FOXP2: variants seen among roughly 807,000 people sequenced by gnomAD.
FOXP2 encodes the protein forkhead box P2, also known as forkhead box protein P2.
A neutral mutation model predicts 115.8 loss-of-function variants in FOXP2; 12 were observed. The observed-to-expected ratio is 0.10, with a 90% confidence interval of 0.07 to 0.17. The LOEUF is 0.17. FOXP2 is among the 10% of genes least tolerant of loss of function. FOXP2 has a pLI of 1.00. For synonymous variants in FOXP2, 328 were observed against 297.7 expected, an observed-to-expected ratio of 1.10 and a Z score of -1.05; for missense variants, 629 against 843.5, an observed-to-expected ratio of 0.75 and a Z score of 3.15.
chr7:114,486,273 C>T (rs1796768978), intron 2 of FOXP2, among the ~76,000 whole-genome samples: 1 of 152,032 alleles, frequency 6.6e-6, no homozygotes, highest in Non-Finnish European at 1.5e-5. Flanking sequence ...CAGGCAAGAG[C>T]ACATGTGCAG....
At chr7:114,136,581 G>A (rs919370862) in intron 1 of FOXP2, among the ~76,000 whole-genome samples, 1 of 151,650 alleles carries the variant, frequency 6.6e-6, no homozygotes, top group Non-Finnish European at 1.5e-5. Context: ...AATGGACTAT[G>A]GTCTTTTGAG....
In FOXP2 at chr7:114,690,129, C is replaced by CTTTTTTTTTTTTTT; in HGVS notation, c.*207_*220dup. ...TGCTTGTTTTCTTCTTCTTCTTCTT[C>CTTTTTTTTTTTTTT]TTTTTTTTTTTTTTTTTAGAAAAAA... is the stretch of plus-strand genomic sequence containing the variant. On this transcript the variant is annotated 3_prime_UTR_variant, in exon 17 of 17. Coordinates refer to ENST00000350908, the MANE Select transcript of FOXP2 (RefSeq NM_014491.4). 2.4e-6 allele frequency: 1 copy of CTTTTTTTTTTTTTT among 420,596 alleles called. No individual in the cohort carries two copies. The highest frequency in any genetic ancestry group is 5.8e-5 in the East Asian group (1 of 17,252). 26.1% of individuals were successfully genotyped at this position (420,596 alleles called of 1,614,324 possible).
At chr7:114,219,511 A>G (rs907664980) in intron 1 of FOXP2, among the ~76,000 whole-genome samples, 5 of 152,308 alleles carry the variant, frequency 3.3e-5, no homozygotes, top group Non-Finnish European at 5.9e-5. Context: ...CATTGTTAGC[A>G]CTTTAAACGA....
chr7:114,264,050 A>C (rs928632692), intron 1 of FOXP2, among the ~76,000 whole-genome samples: 3 of 151,948 alleles, frequency 2.0e-5, no homozygotes, highest in African/African-American at 7.3e-5. Flanking sequence ...GCCGCCCAGG[A>C]GTTCTGAAAG....
At chr7:114,526,046 A>G (rs187281375) in intron 2 of FOXP2, among the ~76,000 whole-genome samples, 2 of 151,996 alleles carry the variant, frequency 1.3e-5, no homozygotes, top group East Asian at 3.9e-4. Context: ...TGGGAGGCAG[A>G]GGTTGCAGTG....
intron 2 of FOXP2, among the ~76,000 whole-genome samples, chr7:114,439,701 C>T (rs942281578): frequency 5.9e-5 from 9 of 152,094 alleles, no homozygotes; most frequent in South Asian, 4.1e-4. Flanking sequence ...TGCACCACCA[C>T]GCCTAGCTCC....
At chr7:114,455,030 GA>G (rs890017074) in intron 2 of FOXP2, among the ~76,000 whole-genome samples, 5 of 150,048 alleles carry the variant, frequency 3.3e-5, no homozygotes, top group African/African-American at 4.9e-5. Flanking sequence ...AAAAAAAAAA[GA>G]AAAAAAAATC....
chr7:114,621,505 C>T (rs1177160537), intron 3 of FOXP2, among the ~76,000 whole-genome samples: 1 of 152,028 alleles, frequency 6.6e-6, no homozygotes, highest in Non-Finnish European at 1.5e-5. Context: ...ATTGCTAAGT[C>T]GTTGGTACAA....
At chr7:114,683,877 G>C (rs1306782754) in intron 16 of FOXP2, among the ~76,000 whole-genome samples, 1 of 150,920 alleles carries the variant, frequency 6.6e-6, no homozygotes, top group Non-Finnish European at 1.5e-5. Flanking sequence ...AGTTTATTGA[G>C]AATGGCTGAA....
At chr7:114,396,605 G>A (rs370063171) in intron 2 of FOXP2, among the ~76,000 whole-genome samples, 1 of 151,884 alleles carries the variant, frequency 6.6e-6, no homozygotes, top group African/African-American at 2.4e-5. Context: ...TTCATATGTG[G>A]AATCTTAAAA....
At chr7:114,237,846 G>A (rs569956659) in intron 1 of FOXP2, among the ~76,000 whole-genome samples, 6 of 151,970 alleles carry the variant, frequency 3.9e-5, no homozygotes, top group Non-Finnish European at 7.4e-5. Context: ...GTGGTGGTGG[G>A]TGCCTGTGGT....
At chr7:114,488,124 A>T (rs931585546) in intron 2 of FOXP2, among the ~76,000 whole-genome samples, 3 of 152,178 alleles carry the variant, frequency 2.0e-5, no homozygotes, top group Non-Finnish European at 4.4e-5. Context: ...GTGGAAGGCA[A>T]AGGGGAGGCA....
intron 2 of FOXP2, among the ~76,000 whole-genome samples, chr7:114,466,926 G>A (rs766165947): frequency 6.6e-6 from 1 of 152,154 alleles, no homozygotes; most frequent in Non-Finnish European, 1.5e-5. Context: ...TAACACCTGT[G>A]TGCTAAGCTC....
intron 16 of FOXP2, among the ~76,000 whole-genome samples, chr7:114,679,021 G>A (rs1392224927): frequency 6.6e-6 from 1 of 152,156 alleles, no homozygotes; most frequent in African/African-American, 2.4e-5. Context: ...ATAGAGTTCA[G>A]TGATGCGATC....
At chr7:114,456,132 C>T (rs561912258) in intron 2 of FOXP2, among the ~76,000 whole-genome samples, 23 of 152,148 alleles carry the variant, frequency 1.5e-4, no homozygotes, top group Non-Finnish European at 2.9e-4. Context: ...TTTGTCATTG[C>T]ACCTACCACT....
intron 1 of FOXP2, among the ~76,000 whole-genome samples, chr7:114,226,024 G>A (rs752822034): frequency 2.6e-5 from 4 of 152,136 alleles, no homozygotes; most frequent in Non-Finnish European, 4.4e-5. Context: ...AATCACACAG[G>A]TGGTTGTCAT....
intron 6 of FOXP2, among the ~76,000 whole-genome samples, chr7:114,638,238 G>A (rs1805330751): frequency 6.6e-6 from 1 of 152,062 alleles, no homozygotes. Context: ...AGTTTCTTGG[G>A]TTTTTCTTGC....
chr7:114,305,889 G>T (rs1797002632), intron 2 of FOXP2, among the ~76,000 whole-genome samples: 1 of 150,644 alleles, frequency 6.6e-6, no homozygotes, highest in South Asian at 2.1e-4. Flanking sequence ...CTAATAAATA[G>T]AAGAACCAGA....
intron 1 of FOXP2, among the ~76,000 whole-genome samples, chr7:114,421,133 A>T (rs1421757951): frequency 6.6e-6 from 1 of 151,686 alleles, no homozygotes; most frequent in Non-Finnish European, 1.5e-5. Flanking sequence ...CATGGCCACC[A>T]TTCTTTCAAA....
Sources: allele counts gnomAD v4.1 joint callset (sites outside exome capture counted in the v4.1 genomes callset), GRCh38; gene constraint gnomAD v4.1.1; transcripts MANE v1.5; gene names NCBI Gene and HGNC (gene_info 2026-07-23, HGNC 2026-07-21).